The following PTGFR variants were observed in gnomAD, a reference collection of about 807,000 sequenced individuals.
PTGFR encodes prostaglandin F2-alpha receptor.
A neutral mutation model predicts 26.2 loss-of-function variants in PTGFR; 15 were observed. The observed-to-expected ratio is 0.57, with a 90% CI of 0.38 to 0.88. The LOEUF (loss-of-function observed/expected upper bound fraction) is 0.88. PTGFR is among the 40% of genes least tolerant of loss of function. The pLI is 0.00. For synonymous variants in PTGFR, 165 were observed against 151.1 expected, an observed-to-expected ratio of 1.09 and a Z score of -0.68; for missense variants, 369 against 427.2, an observed-to-expected ratio of 0.86 and a Z score of 1.20.
At chr1:78,528,041 G>A (rs2146490) in intron 2 of PTGFR, among the ~76,000 whole-genome samples, 16,653 of 151,910 alleles carry the variant, frequency 0.11, 1,162 homozygotes, top group Non-Finnish European at 0.17. Flanking sequence ...AGATTGTTTT[G>A]TAGAGGAGAC....
At chr1:78,531,634 TTTTA>T (rs1464708542) in intron 2 of PTGFR, among the ~76,000 whole-genome samples, 1 of 152,140 alleles carries the variant, frequency 6.6e-6, no homozygotes, top group Non-Finnish European at 1.5e-5. Context: ...TTTTCTTTCC[TTTTA>T]TTTAATTAAT....
intron 2 of PTGFR, among the ~76,000 whole-genome samples, chr1:78,495,132 C>G (rs535327081): frequency 1.3e-5 from 2 of 152,294 alleles, no homozygotes; most frequent in African/African-American, 4.8e-5. Flanking sequence ...CCTGAGTTGG[C>G]CAGGTCATAA....
At chr1:78,494,513 C>T (rs1649495930) in intron 2 of PTGFR, among the ~76,000 whole-genome samples, 1 of 152,168 alleles carries the variant, frequency 6.6e-6, no homozygotes, top group Admixed American at 6.6e-5. Flanking sequence ...TGTACCTTAC[C>T]TGGTAGAATG....
At chr1:78,529,621 C>T (rs1482565086) in intron 2 of PTGFR, among the ~76,000 whole-genome samples, 1 of 152,064 alleles carries the variant, frequency 6.6e-6, no homozygotes, top group Non-Finnish European at 1.5e-5. Context: ...TTTTTAATTT[C>T]CACCACTGCC....
chr1:78,520,944 T>C (rs1368049442), intron 2 of PTGFR, among the ~76,000 whole-genome samples: 1 of 152,110 alleles, frequency 6.6e-6, no homozygotes, highest in African/African-American at 2.4e-5. Flanking sequence ...GTCCCCAGCA[T>C]TCACATGCTT....
At chr1:78,533,532 T>C (rs1337497463) in intron 2 of PTGFR, among the ~76,000 whole-genome samples, 1 of 152,176 alleles carries the variant, frequency 6.6e-6, no homozygotes, top group Non-Finnish European at 1.5e-5. Context: ...TTCAGTTACA[T>C]TTCTGTTTTA....
At chr1:78,533,040 A>G (rs967957293) in intron 2 of PTGFR, among the ~76,000 whole-genome samples, 8 of 152,166 alleles carry the variant, frequency 5.3e-5, no homozygotes, top group Admixed American at 3.3e-4. Flanking sequence ...TGGACCATAT[A>G]TAGAGTTAGT....
intron 2 of PTGFR, among the ~76,000 whole-genome samples, chr1:78,519,637 A>ATTTTAGTTT (rs1650176978): frequency 6.6e-6 from 1 of 152,102 alleles, no homozygotes; most frequent in South Asian, 2.1e-4. Flanking sequence ...ACCTCAAAGG[A>ATTTTAGTTT]ATTTGTAGTT....
At chr1:78,534,137 T>C (rs1017272156) in intron 2 of PTGFR, among the ~76,000 whole-genome samples, 3 of 152,154 alleles carry the variant, frequency 2.0e-5, no homozygotes, top group Non-Finnish European at 2.9e-5. Flanking sequence ...TTTTAGAAAA[T>C]AACCCATATT....
At chr1:78,513,855 A>G (rs1273449496) in intron 2 of PTGFR, among the ~76,000 whole-genome samples, 1 of 152,226 alleles carries the variant, frequency 6.6e-6, no homozygotes, top group Non-Finnish European at 1.5e-5. Context: ...CTGTGGCTCA[A>G]AGGGCCTCAG....
chr1:78,512,438 G>A (rs1309529599), intron 2 of PTGFR, among the ~76,000 whole-genome samples: 5 of 152,196 alleles, frequency 3.3e-5, no homozygotes, highest in African/African-American at 1.2e-4. Context: ...ATGGTAGAAG[G>A]TGAAGCCAGA....
At chr1:78,511,054 C>A (rs1357253604) in intron 2 of PTGFR, among the ~76,000 whole-genome samples, 3 of 152,206 alleles carry the variant, frequency 2.0e-5, no homozygotes, top group Admixed American at 6.5e-5. Flanking sequence ...AGGGTGCAGC[C>A]ACCATGGCTG....
intron 2 of PTGFR, among the ~76,000 whole-genome samples, chr1:78,532,786 A>T (rs12738139): frequency 0.16 from 24,843 of 151,928 alleles, 2,240 homozygotes; most frequent in Non-Finnish European, 0.22. Flanking sequence ...CCGTGTATAT[A>T]TGTATATTTA....
intron 1 of PTGFR, among the ~76,000 whole-genome samples, chr1:78,492,402 T>A (rs2100343118): frequency 6.6e-6 from 1 of 152,338 alleles, no homozygotes; most frequent in South Asian, 2.1e-4. Flanking sequence ...GTCAGTGACG[T>A]GTCAGGGGGA....
intron 2 of PTGFR, among the ~76,000 whole-genome samples, 196 bp from the exon 3 acceptor site, chr1:78,536,210 T>C (rs1650647865): frequency 6.6e-6 from 1 of 152,166 alleles, no homozygotes; most frequent in Admixed American, 6.6e-5. Flanking sequence ...GTAGGTCTAA[T>C]GTCAATTTGA....
At chr1:78,527,516 G>A (rs1367581098) in intron 2 of PTGFR, among the ~76,000 whole-genome samples, 1 of 152,074 alleles carries the variant, frequency 6.6e-6, no homozygotes, top group Non-Finnish European at 1.5e-5. Flanking sequence ...TTATGCCAAA[G>A]AGATACATTG....
chr1:78,528,487 T>C lies in PTGFR; in HGVS notation c.799-7919T>C, dbSNP rs12097594. Among the ~76,000 whole-genome samples, 637 of 152,174 alleles carry C rather than the reference T, an allele frequency of 4.2e-3. 9 individuals carry two copies. Among genetic ancestry groups the C allele is most frequent in the African/African-American group, 0.014 (601 of 41,542 alleles). On this transcript the variant is annotated intron_variant, in intron 2 of 2. Coordinates refer to ENST00000370757, the MANE Select transcript of PTGFR (RefSeq NM_000959.4). ...TGGATTTTATCTTTAACTAGACTCATATTATGCTTTAGGGTTAAATAGACA... is the reference window on the plus strand; with the variant it reads ...TGGATTTTATCTTTAACTAGACTCACATTATGCTTTAGGGTTAAATAGACA...
chr1:78,510,517 A>G (rs1649939214), intron 2 of PTGFR, among the ~76,000 whole-genome samples: 1 of 152,166 alleles, frequency 6.6e-6, no homozygotes, highest in Admixed American at 6.5e-5. Flanking sequence ...AGAAGGCATG[A>G]AGCCATTCAT....
At chr1:78,524,472 G>A (rs992918606) in intron 2 of PTGFR, among the ~76,000 whole-genome samples, 8 of 152,052 alleles carry the variant, frequency 5.3e-5, no homozygotes, top group Non-Finnish European at 1.2e-4. Flanking sequence ...GTTTAGTTAT[G>A]TAAGTCAGCA....
Sources: allele counts gnomAD v4.1 joint callset (sites outside exome capture counted in the v4.1 genomes callset), GRCh38; gene constraint gnomAD v4.1.1; transcripts MANE v1.5; gene names NCBI Gene and HGNC (gene_info 2026-07-23, HGNC 2026-07-21).